Variants in SOX5 observed in about 807,000 individuals in gnomAD.
The protein encoded by SOX5 is SRY-box transcription factor 5.
Under a neutral mutation model 92.0 loss-of-function variants are expected in SOX5, and 9 were observed. The observed-to-expected ratio is 0.10, with a 90% CI of 0.06 to 0.17. The LOEUF is 0.17. SOX5 is among the 10% of genes least tolerant of loss of function. The pLI is 1.00. For synonymous variants in SOX5, 344 were observed against 336.3 expected (o/e 1.02, Z -0.25); for missense variants, 642 against 944.5 (o/e 0.68, Z 4.20).
In SOX5 at chr12:24,217,632, A is replaced by G. The variant is rs1274011003; in HGVS notation, c.-76-4215T>C. 2.6e-5 allele frequency among the ~76,000 whole-genome samples: 4 copies of G among 152,326 alleles called. No individual in the cohort carries two copies. In the East Asian group the frequency reaches 5.8e-4, roughly 22 times the overall value. On this transcript the variant is annotated intron_variant, in intron 3 of 4. Transcript: ENST00000446891. ...AGATATGTCAAGCAACAAAAGAAATAAACAGATAAATTGGACATGAAAATT... is the reference window on the plus strand; with the variant it reads ...AGATATGTCAAGCAACAAAAGAAATGAACAGATAAATTGGACATGAAAATT...
At chr12:24,403,143 T>G (rs1220309363) in intron 1 of SOX5, among the ~76,000 whole-genome samples, 1 of 152,228 alleles carries the variant, frequency 6.6e-6, no homozygotes, top group Non-Finnish European at 1.5e-5. Flanking sequence ...GCAGATGTTC[T>G]TTCTTCCCTG....
At chr12:23,672,426 TTCCTCC>T (rs997758339) in intron 6 of SOX5, among the ~76,000 whole-genome samples, 1 of 152,120 alleles carries the variant, frequency 6.6e-6, no homozygotes, top group African/African-American at 2.4e-5. Context: ...AATTCCCCTC[TTCCTCC>T]TCCTCCCTGT....
chr12:24,438,581 G>T (rs1939913072), intron 1 of SOX5, among the ~76,000 whole-genome samples: 1 of 152,154 alleles, frequency 6.6e-6, no homozygotes, highest in Admixed American at 6.6e-5. Context: ...GTTCATGAGA[G>T]GGGGTAAAAA....
chr12:23,710,183 C>A (rs946811899), intron 6 of SOX5, among the ~76,000 whole-genome samples: 2 of 151,696 alleles, frequency 1.3e-5, no homozygotes, highest in Non-Finnish European at 2.9e-5. Flanking sequence ...ATTAAACAGA[C>A]AGCTTGTTAT....
chr12:23,554,839 G>T (rs531845580), intron 11 of SOX5, among the ~76,000 whole-genome samples: 2 of 152,126 alleles, frequency 1.3e-5, no homozygotes, highest in Admixed American at 1.3e-4. Context: ...ACATAATAAA[G>T]AATCTATCTA....
At chr12:24,100,035 T>C (rs1312559096) in intron 4 of SOX5, among the ~76,000 whole-genome samples, 2 of 152,168 alleles carry the variant, frequency 1.3e-5, no homozygotes, top group South Asian at 2.1e-4. Flanking sequence ...ATGCTATTTA[T>C]CAAATTTCGA....
chr12:24,310,891 A>G (rs1019397305), intron 2 of SOX5, among the ~76,000 whole-genome samples: 30 of 151,824 alleles, frequency 2.0e-4, no homozygotes, highest in Non-Finnish European at 3.7e-4. Context: ...GTATACTTCC[A>G]TATTTTAAAA....
At chr12:24,079,093 C>A (rs1943007449) in intron 4 of SOX5, among the ~76,000 whole-genome samples, 1 of 151,350 alleles carries the variant, frequency 6.6e-6, no homozygotes. Flanking sequence ...CTCTGTTCAA[C>A]ATCACCTCAC....
intron 4 of SOX5, among the ~76,000 whole-genome samples, chr12:24,121,567 CTTTTTTT>C (rs11286069): frequency 2.8e-5 from 3 of 106,010 alleles, no homozygotes; most frequent in Non-Finnish European, 3.7e-5. Context: ...AAATGGCTAA[CTTTTTTT>C]TTTTTTTTTT....
intron 3 of SOX5, among the ~76,000 whole-genome samples, chr12:23,844,882 T>A (rs1036734934): frequency 6.6e-5 from 10 of 152,202 alleles, no homozygotes; most frequent in African/African-American, 2.4e-4. Flanking sequence ...TCCATGAGAA[T>A]AGGAGGACAT....
chr12:24,419,890 A>G (rs535578780), intron 1 of SOX5, among the ~76,000 whole-genome samples: 6 of 152,364 alleles, frequency 3.9e-5, no homozygotes, highest in African/African-American at 1.4e-4. Flanking sequence ...GGCTGTAGAG[A>G]CAGTAACTTG....
chr12:24,374,351 C>G (rs889356091), intron 1 of SOX5, among the ~76,000 whole-genome samples: 1 of 152,056 alleles, frequency 6.6e-6, no homozygotes, highest in African/African-American at 2.4e-5. Context: ...TCCATCTAAC[C>G]TGGTGAGAGA....
intron 6 of SOX5, among the ~76,000 whole-genome samples, chr12:23,699,922 G>A (rs2090392859): frequency 6.6e-6 from 1 of 152,076 alleles, no homozygotes; most frequent in African/African-American, 2.4e-5. Context: ...CCCTCTAGAA[G>A]GATTTTTCTT....
intron 11 of SOX5, among the ~76,000 whole-genome samples, chr12:23,558,011 T>C (rs757985491): frequency 3.7e-4 from 55 of 147,684 alleles, no homozygotes; most frequent in Non-Finnish European, 5.2e-4. Context: ...CATGTAAGAG[T>C]GGAAGGGCAA....
chr12:24,387,247 T>C (rs1279938875), intron 1 of SOX5, among the ~76,000 whole-genome samples: 1 of 152,204 alleles, frequency 6.6e-6, no homozygotes, highest in Non-Finnish European at 1.5e-5. Context: ...TCCTCACATA[T>C]CAGTTTCATC....
At chr12:24,516,510 C>G (rs1168249686) in intron 1 of SOX5, among the ~76,000 whole-genome samples, 3 of 152,156 alleles carry the variant, frequency 2.0e-5, no homozygotes, top group Non-Finnish European at 4.4e-5. Flanking sequence ...GAGTTAATGA[C>G]CCTGATTGCC....
chr12:24,370,359 C>T (rs1169400678), intron 1 of SOX5, among the ~76,000 whole-genome samples: 1 of 151,156 alleles, frequency 6.6e-6, no homozygotes, highest in South Asian at 2.1e-4. Flanking sequence ...CCCCTGTAGT[C>T]CCAGCTGCTC....
At chr12:24,167,275 G>A (rs909291694) in intron 4 of SOX5, among the ~76,000 whole-genome samples, 2 of 152,284 alleles carry the variant, frequency 1.3e-5, no homozygotes, top group Non-Finnish European at 1.5e-5. Flanking sequence ...ATTTCCTGCA[G>A]TACTGAAATT....
At chr12:24,229,636 C>A (rs1033691248) in intron 3 of SOX5, among the ~76,000 whole-genome samples, 3 of 152,140 alleles carry the variant, frequency 2.0e-5, no homozygotes, top group Non-Finnish European at 4.4e-5. Context: ...CACTTTGACA[C>A]CCTTGGAACA....
Sources: allele counts gnomAD v4.1 joint callset (sites outside exome capture counted in the v4.1 genomes callset), GRCh38; gene constraint gnomAD v4.1.1; transcripts MANE v1.5; gene names NCBI Gene and HGNC (gene_info 2026-07-23, HGNC 2026-07-21).